Variants in SHANK2 observed in about 807,000 individuals in gnomAD.
SHANK2 encodes SH3 and multiple ankyrin repeat domains protein 2.
Under a neutral mutation model 133.7 loss-of-function variants are expected in SHANK2, and 43 were observed. The ratio of observed to expected loss-of-function variants is 0.32; its 90% CI spans 0.25 to 0.41. The LOEUF (loss-of-function observed/expected upper bound fraction) is 0.41. SHANK2 is among the 10% of genes least tolerant of loss of function. The probability of loss-of-function intolerance (pLI) is 1.00; values close to 1 mark genes in which losing one functional copy is unlikely to be tolerated. For synonymous variants in SHANK2, 1,017 were observed against 952.8 expected, an observed-to-expected ratio of 1.07 and a Z score of -1.24; for missense variants, 1,994 against 2,235.8, an observed-to-expected ratio of 0.89 and a Z score of 2.18.
chr11:70,919,823 C>T (rs536622813), intron 10 of SHANK2, among the ~76,000 whole-genome samples: 20 of 152,198 alleles, frequency 1.3e-4, no homozygotes, highest in Non-Finnish European at 2.6e-4. Context: ...TAAGATTCTG[C>T]ACATAAGTGA....
chr11:70,922,761 T>C lies in SHANK2; in HGVS notation c.1108-26194A>G, dbSNP rs1233012522. On this transcript the variant is annotated intron_variant, in intron 10 of 25. Coordinates refer to ENST00000601538, the MANE Select transcript of SHANK2 (RefSeq NM_012309.5). Reference sequence around the variant, plus strand: ...AATTCAGAAAGGAATAAAAAGCAAATGGAAAATAAGTGAGCAAGTAATAAA... The same window carrying C: ...AATTCAGAAAGGAATAAAAAGCAAACGGAAAATAAGTGAGCAAGTAATAAA... 5.3e-5 allele frequency among the ~76,000 whole-genome samples: 8 copies of C among 151,414 alleles called. 1 individual carries two copies. Among genetic ancestry groups the C allele is most frequent in the Admixed American group, 5.3e-4 (8 of 15,212 alleles).
chr11:70,724,687 C>T (rs1459446387), intron 14 of SHANK2, among the ~76,000 whole-genome samples: 1 of 152,248 alleles, frequency 6.6e-6, no homozygotes, highest in Non-Finnish European at 1.5e-5. Flanking sequence ...CAACCACGTC[C>T]TGTGGAGAGC....
chr11:70,543,571 C>G (rs188599130), intron 17 of SHANK2, among the ~76,000 whole-genome samples: 4 of 152,196 alleles, frequency 2.6e-5, no homozygotes, highest in Non-Finnish European at 5.9e-5. Context: ...GGGTGGCGTG[C>G]CTGGGCAGGG....
chr11:71,083,607 G>A (rs1951330566), intron 8 of SHANK2, among the ~76,000 whole-genome samples: 1 of 152,130 alleles, frequency 6.6e-6, no homozygotes, highest in South Asian at 2.1e-4. Context: ...CGAAGATACT[G>A]AGTCAAACTC....
At position 71,133,452 on chromosome 11, in the gene SHANK2, A is replaced by G. The variant is rs115653585; in HGVS notation, c.207+13668T>C. On this transcript the variant is annotated intron_variant, in intron 3 of 25. Transcript: ENST00000601538. The stretch of plus-strand genomic sequence containing the variant: ...GGGAGGGAGGGAGGGACGGACGGAC[A>G]GACGGAGGGAGGGAGGGAGAGAGAG... 3.9e-4 allele frequency among the ~76,000 whole-genome samples: 44 copies of G among 111,806 alleles called. 1 individual carries two copies. Among genetic ancestry groups the G allele is most frequent in the African/African-American group, 9.7e-4 (27 of 27,880 alleles). 73.3% of individuals were successfully genotyped at this position (111,806 alleles called of 152,430 possible).
chr11:70,818,915 C>T (rs1335357126), intron 12 of SHANK2, among the ~76,000 whole-genome samples: 6 of 152,254 alleles, frequency 3.9e-5, no homozygotes, highest in Non-Finnish European at 7.3e-5. Context: ...ACGTGAGGCA[C>T]TGACCCTCCT....
At chr11:70,681,068 C>G (rs1591743000) in intron 15 of SHANK2, among the ~76,000 whole-genome samples, 1 of 152,208 alleles carries the variant, frequency 6.6e-6, no homozygotes, top group East Asian at 1.9e-4. Context: ...GGTGCCCTGA[C>G]TTGCAGGAGG....
At position 70,472,621 on chromosome 11, in the gene SHANK2, C is replaced by T; in HGVS notation, c.*248G>A. On this transcript the variant is annotated 3_prime_UTR_variant, in exon 26 of 26. Coordinates refer to ENST00000601538, the MANE Select transcript of SHANK2 (RefSeq NM_012309.5). This position sits in a 1 kb window ranked among gnomAD's most constrained non-coding sequence, Gnocchi z 4.4. ...GGGCGGCAGGCTGAGAATCTTTTTC[C>T]ATGTTAGAAAAACTCCCTCCCCTTG... 1 of 552,262 alleles carries T rather than the reference C, an allele frequency of 1.8e-6. No homozygotes were observed. Among genetic ancestry groups the T allele is most frequent in the Non-Finnish European group, 3.3e-6 (1 of 306,714 alleles). 34.2% of individuals were successfully genotyped at this position (552,262 alleles called of 1,614,324 possible).
At chr11:71,059,342 G>T (rs1174428470) in intron 9 of SHANK2, among the ~76,000 whole-genome samples, 1 of 152,216 alleles carries the variant, frequency 6.6e-6, no homozygotes, top group Non-Finnish European at 1.5e-5. Context: ...AAGGTTGACG[G>T]TTGTGATGGT....
intron 14 of SHANK2, among the ~76,000 whole-genome samples, chr11:70,709,573 T>C (rs1396604894): frequency 6.6e-6 from 1 of 152,162 alleles, no homozygotes; most frequent in Non-Finnish European, 1.5e-5. Context: ...CATCCTGACA[T>C]CCCATGGGTA....
intron 11 of SHANK2, among the ~76,000 whole-genome samples, chr11:70,837,800 C>A (rs1488561128): frequency 6.6e-6 from 1 of 151,666 alleles, no homozygotes; most frequent in Non-Finnish European, 1.5e-5. Flanking sequence ...CATAGCGAAA[C>A]CCTGTTTCTA....
chr11:70,711,292 G>A (rs961819301), intron 14 of SHANK2, among the ~76,000 whole-genome samples: 2 of 152,136 alleles, frequency 1.3e-5, no homozygotes, highest in African/African-American at 2.4e-5. Flanking sequence ...TGGCTGGGCT[G>A]TCCAGCTCCG....
At position 71,147,306 on chromosome 11, in the gene SHANK2, G is replaced by A; in HGVS notation, c.21C>T (p.Ser7=). 6.4e-7 allele frequency: 1 copy of A among 1,550,916 alleles called. No homozygotes were observed. Among genetic ancestry groups the A allele is most frequent in the Non-Finnish European group, 8.7e-7 (1 of 1,146,852 alleles). Residue 7 remains serine (S), a synonymous_variant, in exon 3 of 26, where the codon TCC becomes TCT. Transcript: ENST00000601538. The part of the protein sequence containing the change: MPRSPT[S]SEDEMAQSFS... ...AGCTCTGGGCCATCTCGTCCTCGCT[G>A]GATGTTGGGCTGCGCGGCATGGCTG... is the stretch of plus-strand genomic sequence containing the variant.
intron 15 of SHANK2, among the ~76,000 whole-genome samples, chr11:70,663,595 C>T (rs887570211): frequency 2.6e-5 from 4 of 152,150 alleles, no homozygotes; most frequent in Non-Finnish European, 4.4e-5. Flanking sequence ...GCTTCACAGC[C>T]GAAGACCAGG....
chr11:71,061,992 T>TC, intron 9 of SHANK2, among the ~76,000 whole-genome samples: 1 of 149,702 alleles, frequency 6.7e-6, no homozygotes. Flanking sequence ...TTTTTTTTTT[T>TC]TCTTGAGACA....
chr11:70,890,156 A>G (rs1949817186), intron 11 of SHANK2, among the ~76,000 whole-genome samples: 1 of 152,126 alleles, frequency 6.6e-6, no homozygotes, highest in Admixed American at 6.5e-5. Flanking sequence ...GGACATGCAA[A>G]TATTTCTGAA....
chr11:70,706,197 G>A (rs1277408742), intron 14 of SHANK2: 1 of 152,410 alleles, frequency 6.6e-6, no homozygotes, highest in Non-Finnish European at 1.5e-5. Context: ...CACACCTCAG[G>A]GCCTTTGTGT....
chr11:71,245,596 C>G (rs1012535929), intron 1 of SHANK2, among the ~76,000 whole-genome samples: 1 of 152,208 alleles, frequency 6.6e-6, no homozygotes, highest in Admixed American at 6.5e-5. Context: ...GCCGGGGAAG[C>G]GACCGGTGCC....
chr11:70,773,312 T>G (rs1555043268), intron 14 of SHANK2, among the ~76,000 whole-genome samples: 1 of 152,158 alleles, frequency 6.6e-6, no homozygotes, highest in Admixed American at 6.5e-5. Context: ...GAAGCGTTAT[T>G]CACAAGAGGG....
Sources: allele counts gnomAD v4.1 joint callset (sites outside exome capture counted in the v4.1 genomes callset), GRCh38; gene constraint gnomAD v4.1.1; non-coding constraint Gnocchi (gnomAD v3.1); transcripts MANE v1.5; gene names NCBI Gene and HGNC (gene_info 2026-07-23, HGNC 2026-07-21).